TTLL12: variants seen among roughly 807,000 people sequenced by gnomAD.
The protein encoded by TTLL12 is tubulin tyrosine ligase like 12.
In TTLL12, 77 loss-of-function variants were observed where a neutral mutation model predicts 79.6. The ratio of observed to expected loss-of-function variants is 0.97; its 90% CI spans 0.81 to 1.17. The LOEUF (loss-of-function observed/expected upper bound fraction) is 1.17, where lower values mean the gene tolerates loss of function less well. Among genes scored for constraint, TTLL12 ranks in the 50% most tolerant of loss-of-function variants. TTLL12 has a pLI of 0.00. For synonymous variants in TTLL12, 437 were observed against 376.1 expected, an observed-to-expected ratio of 1.16 and a Z score of -1.87; for missense variants, 969 against 895.9, an observed-to-expected ratio of 1.08 and a Z score of -1.04.
intron 13 of TTLL12, among the ~76,000 whole-genome samples, chr22:43,168,567 C>CA (rs920798407): frequency 1.3e-5 from 2 of 152,226 alleles, no homozygotes; most frequent in Non-Finnish European, 2.9e-5. Flanking sequence ...TCCCCCGACT[C>CA]AGAGGCCCAA....
intron 1 of TTLL12, among the ~76,000 whole-genome samples, chr22:43,185,577 G>A (rs1459204223): frequency 6.6e-6 from 1 of 152,198 alleles, no homozygotes. Flanking sequence ...AGCAGGCAAG[G>A]CGGCCTGGGC....
Position 43,172,464 on chromosome 22 carries a change from GC to G in TTLL12, c.1431del (p.Arg478GlyfsTer3). ...AACAACCGTAGGGGCCTCACTGACC[GC>G]AGCAGCACGATGTAGCGGATGTCGA... The part of the protein sequence containing the change: ...VKFDIRYIVL[L>X]RSVRPLRLFV... On this transcript the variant is annotated frameshift_variant, in exon 10 of 14. Coordinates refer to ENST00000216129, the MANE Select transcript of TTLL12 (RefSeq NM_015140.4). LOFTEE classifies it high-confidence loss of function. 6.2e-7 allele frequency: 1 copy of G among 1,614,130 alleles called. No homozygotes were observed. The highest frequency in any genetic ancestry group is 8.5e-7 in the Non-Finnish European group (1 of 1,180,030).
intron 6 of TTLL12, chr22:43,175,134 G>A (rs1044479807): frequency 2.0e-5 from 3 of 152,706 alleles, no homozygotes; most frequent in African/African-American, 4.8e-5. Flanking sequence ...CAGGCCCGGT[G>A]GAGGGGGCAG....
intron 1 of TTLL12, chr22:43,185,909 G>C (rs932307294): frequency 2.1e-5 from 20 of 956,920 alleles, no homozygotes; most frequent in Non-Finnish European, 2.5e-5. Flanking sequence ...TGGCAGAAGT[G>C]AGGGGCAGAG....
intron 5 of TTLL12, among the ~76,000 whole-genome samples, chr22:43,176,600 C>T (rs1191628855): frequency 6.6e-5 from 10 of 151,798 alleles, no homozygotes; most frequent in East Asian, 3.9e-4. Flanking sequence ...CATGGTGGCG[C>T]GTGCCTGTAA....
chr22:43,169,245 G>A (rs888748220), intron 12 of TTLL12, among the ~76,000 whole-genome samples: 8 of 152,152 alleles, frequency 5.3e-5, no homozygotes, highest in Admixed American at 2.0e-4. Context: ...AGGCAGTGCC[G>A]CCACCCTCTG....
chr22:43,185,247 TTATATATATATA>T (rs3985927), intron 1 of TTLL12, among the ~76,000 whole-genome samples: 1,551 of 115,094 alleles, frequency 0.013, 10 homozygotes, highest in African/African-American at 0.021. Flanking sequence ...AAGAAAAAAA[TTATATATATATA>T]TATATATATA....
Position 43,173,762 on chromosome 22 carries a change from T to C in TTLL12, c.1294A>G (p.Thr432Ala), listed in dbSNP as rs1363044102. The change falls in exon 9 of 14, where the codon ACC (threonine) becomes GCC (alanine). Residue 432 changes from threonine (T) to alanine (A), a missense_variant. Transcript: ENST00000216129. ...NLARSLDTHV[T>A]KSLHSIIRHR... The stretch of plus-strand genomic sequence containing the variant: ...CGGATGATGCTGTGCAGGCTCTTGG[T>C]GACGTGGGTGTCCAGGCTGCGCGCC... The C allele has an allele frequency of 3.1e-6, 5 of 1,604,542 alleles. No homozygotes were observed. In the Admixed American group the frequency reaches 8.3e-5, roughly 27 times the overall value.
Position 43,174,345 on chromosome 22 carries a change from G to C in TTLL12, c.1093C>G (p.Leu365Val). ...GAGGCCAGGCAGTCCTTGACAGTCAGCAGGTTCTCGCAGGGGAACTGGTTC... is the reference window on the plus strand; with the variant it reads ...GAGGCCAGGCAGTCCTTGACAGTCACCAGGTTCTCGCAGGGGAACTGGTTC... ...LLNQFPCENL[L>V]TVKDCLASIA... The change falls in exon 8 of 14, where the codon CTG (leucine) becomes GTG (valine). Residue 365 changes from leucine to valine, a missense_variant. Leu to Val is a conservative substitution (Grantham distance 32, BLOSUM62 1). Transcript: ENST00000216129. 6.3e-7 allele frequency: 1 copy of C among 1,595,930 alleles called. No homozygotes were observed.
chr22:43,183,045 C>G lies in TTLL12; in HGVS notation c.282G>C (p.Gly94=). 6.2e-7 allele frequency: 1 copy of G among 1,613,988 alleles called. No homozygotes were observed. Among genetic ancestry groups the G allele is most frequent in the Non-Finnish European group, 8.5e-7 (1 of 1,179,962 alleles). Reference sequence around the variant, plus strand: ...CGATGACCTTGTAGCACAGCTCGTTCCCCGGGTTGGGCTGCTGCTTCCGCA... The same window carrying G: ...CGATGACCTTGTAGCACAGCTCGTTGCCCGGGTTGGGCTGCTGCTTCCGCA... The part of the protein sequence containing the change: ...REVRKQQPNP[G]NELCYKVIVT... The change falls in exon 2 of 14, where the codon GGG becomes GGC. Residue 94 remains glycine, a synonymous_variant. Coordinates refer to ENST00000216129, the MANE Select transcript of TTLL12 (RefSeq NM_015140.4).
chr22:43,175,887 C>T (rs1457630254), intron 6 of TTLL12, among the ~76,000 whole-genome samples: 4 of 148,886 alleles, frequency 2.7e-5, no homozygotes, highest in Non-Finnish European at 5.9e-5. Flanking sequence ...GGGCTTTCAC[C>T]ATGCTGGCCA....
At chr22:43,174,704 C>T (rs1050009546) in intron 6 of TTLL12, 89 bp from the exon 7 acceptor site, 2 of 970,868 alleles carry the variant, frequency 2.1e-6, no homozygotes, top group African/African-American at 1.6e-5. Context: ...ACTCCCTTCC[C>T]TGTTTTGAAG....
chr22:43,177,880 T>C (rs1263366217), intron 5 of TTLL12, among the ~76,000 whole-genome samples: 2 of 152,190 alleles, frequency 1.3e-5, no homozygotes, highest in African/African-American at 4.8e-5. Context: ...TACCCAGCCA[T>C]AGCTAATCAA....
chr22:43,168,138 T>C lies in TTLL12; in HGVS notation c.1805A>G (p.Gln602Arg). ...GGGGTTGAAGTTCACCTCCAGGATC[T>C]GCGGCTGCATCACCCGCCTTCCTGA... ...GPDGRRVMQP[Q>R]ILEVNFNPDC... The change falls in exon 14 of 14, where the codon CAG becomes CGG. Residue 602 changes from glutamine (Q) to arginine (R), a missense_variant. Transcript: ENST00000216129. 6.2e-7 allele frequency: 1 copy of C among 1,614,112 alleles called. No homozygotes were observed. The highest frequency in any genetic ancestry group is 8.5e-7 in the Non-Finnish European group (1 of 1,179,974).
chr22:43,167,731 A>G lies in TTLL12; in HGVS notation c.*277T>C, dbSNP rs1931654244. 3.1e-6 allele frequency: 1 copy of G among 321,948 alleles called. No homozygotes were observed. Among genetic ancestry groups the G allele is most frequent in the Non-Finnish European group, 5.7e-6 (1 of 174,310 alleles). 19.9% of individuals were successfully genotyped at this position (321,948 alleles called of 1,614,324 possible). On this transcript the variant is annotated 3_prime_UTR_variant, in exon 14 of 14. Transcript: ENST00000216129. Reference sequence around the variant, plus strand: ...AAGCCCTTGGCTAAACTGGAGACTCATCAGTGCACAGATGGTGGTGAGGGG... The same window carrying G: ...AAGCCCTTGGCTAAACTGGAGACTCGTCAGTGCACAGATGGTGGTGAGGGG...
chr22:43,183,197 C>T (rs781297610), intron 1 of TTLL12, 48 bp from the exon 2 acceptor site: 3 of 1,604,512 alleles, frequency 1.9e-6, no homozygotes, highest in Non-Finnish European at 2.6e-6. Flanking sequence ...GGAGACCCCA[C>T]CCCAATGCCT....
intron 1 of TTLL12, chr22:43,186,128 G>A: frequency 2.5e-6 from 1 of 401,132 alleles, no homozygotes. Flanking sequence ...TGCGCCACTA[G>A]GCTCATCTCC....
Position 43,168,018 on chromosome 22 carries a change from C to A in TTLL12, c.1925G>T (p.Cys642Phe). ...GGGGACAGCGAGTGCCTAGACAAGGCAGGTAACGTGGCAGCCACCGGGCTG... is the reference window on the plus strand; with the variant it reads ...GGGGACAGCGAGTGCCTAGACAAGGAAGGTAACGTGGCAGCCACCGGGCTG... ...LDQPGGCHVT[C>F]LV Residue 642 changes from cysteine (C) to phenylalanine (F), a missense_variant, in exon 14 of 14, where the codon TGC (cysteine) becomes TTC (phenylalanine). Cys to Phe is a radical substitution (Grantham distance 205). Coordinates refer to ENST00000216129, the MANE Select transcript of TTLL12 (RefSeq NM_015140.4). The A allele has an allele frequency of 1.9e-6, 3 of 1,613,774 alleles. No homozygotes were observed. The highest frequency in any genetic ancestry group is 2.5e-6 in the Non-Finnish European group (3 of 1,179,798).
chr22:43,178,932 C>T (rs369869640), intron 5 of TTLL12, among the ~76,000 whole-genome samples: 2 of 152,174 alleles, frequency 1.3e-5, no homozygotes, highest in African/African-American at 2.4e-5. Flanking sequence ...TTCCAGCCTA[C>T]GGAAGCAGCA....
Sources: gnomAD v4.1 joint callset for allele counts (sites outside exome capture counted in the v4.1 genomes callset) on GRCh38, gnomAD v4.1.1 for gene constraint, MANE v1.5 for transcripts, NCBI Gene and HGNC (gene_info 2026-07-23, HGNC 2026-07-21) for gene names.